Variants in COX7B2 observed in about 807,000 individuals in gnomAD.
COX7B2 encodes cytochrome c oxidase subunit 7B2, mitochondrial.
For synonymous variants in COX7B2, 37 were observed against 32.1 expected (o/e 1.15, Z -0.51); for missense variants, 109 against 95.9 (o/e 1.14, Z -0.57).
chr4:46,831,370 C>G (rs563945970), intron 2 of COX7B2, among the ~76,000 whole-genome samples: 6 of 152,224 alleles, frequency 3.9e-5, no homozygotes, highest in African/African-American at 1.4e-4. Flanking sequence ...GCCTCCTCAA[C>G]GAGTGCCACC....
At chr4:46,832,906 T>G (rs1715250033) in intron 2 of COX7B2, among the ~76,000 whole-genome samples, 1 of 149,818 alleles carries the variant, frequency 6.7e-6, no homozygotes, top group African/African-American at 2.5e-5. Context: ...CTGTGAGCCT[T>G]TTTTTTTTTC....
chr4:46,809,403 G>A lies in COX7B2; in HGVS notation c.-50+35557C>T, dbSNP rs552656308. 2.4e-4 allele frequency among the ~76,000 whole-genome samples: 37 copies of A among 151,572 alleles called. 1 individual carries two copies. The East Asian group carries it at 2.9e-3, about 12-fold the overall frequency. ...GATATTTCTTCTTTTTAATGTAGGCGTTTATTTCTATAAACTTTCCTCTAA... is the reference window on the plus strand; with the variant it reads ...GATATTTCTTCTTTTTAATGTAGGCATTTATTTCTATAAACTTTCCTCTAA... On this transcript the variant is annotated intron_variant, in intron 2 of 2. Coordinates refer to ENST00000355591, the MANE Select transcript of COX7B2 (RefSeq NM_130902.3).
At chr4:46,769,251 C>T (rs1183532373) in intron 2 of COX7B2, among the ~76,000 whole-genome samples, 2 of 152,060 alleles carry the variant, frequency 1.3e-5, no homozygotes, top group African/African-American at 4.8e-5. Flanking sequence ...ATACCAAAGC[C>T]AGACAAGGAC....
intron 2 of COX7B2, among the ~76,000 whole-genome samples, chr4:46,793,393 T>C (rs923681762): frequency 6.6e-6 from 1 of 152,184 alleles, no homozygotes; most frequent in Non-Finnish European, 1.5e-5. Flanking sequence ...CATGCTGACC[T>C]TAGCCATTAG....
intron 2 of COX7B2, 65 bp from the exon 3 acceptor site, chr4:46,735,306 T>C: frequency 1.7e-6 from 2 of 1,170,582 alleles, no homozygotes; most frequent in Non-Finnish European, 2.5e-6. Flanking sequence ...GCTTTGAATG[T>C]CTGGCTACAT....
chr4:46,889,346 C>A (rs1719280764), intron 1 of COX7B2, among the ~76,000 whole-genome samples: 1 of 152,200 alleles, frequency 6.6e-6, no homozygotes, highest in South Asian at 2.1e-4. Flanking sequence ...GGAACTGTCA[C>A]AAAGTAGTCT....
intron 1 of COX7B2, among the ~76,000 whole-genome samples, chr4:46,867,183 C>A (rs1717716177): frequency 6.6e-6 from 1 of 152,188 alleles, no homozygotes; most frequent in South Asian, 2.1e-4. Context: ...CTCCTTACAT[C>A]AGATAACCAG....
chr4:46,884,596 GC>G (rs1478320577), intron 1 of COX7B2, among the ~76,000 whole-genome samples: 1 of 152,070 alleles, frequency 6.6e-6, no homozygotes, highest in African/African-American at 2.4e-5. Flanking sequence ...AATGTTTTAT[GC>G]TATCAAGTAC....
chr4:46,831,984 G>T (rs1359846042), intron 2 of COX7B2, among the ~76,000 whole-genome samples: 1 of 152,140 alleles, frequency 6.6e-6, no homozygotes, highest in African/African-American at 2.4e-5. Context: ...CTCAGGAATG[G>T]TAAATGCACC....
rs139233339 is a variant in COX7B2, at chr4:46,778,830, G to A, written c.-49-43589C>T. On this transcript the variant is annotated intron_variant, in intron 2 of 2. Transcript: ENST00000355591. ...AAATTTTCACTGTAGTAATTCAATAGTTCATCTGCCTAGTTTATTAAATTG... is the reference window on the plus strand; with the variant it reads ...AAATTTTCACTGTAGTAATTCAATAATTCATCTGCCTAGTTTATTAAATTG... Among the ~76,000 whole-genome samples, 336 of 152,164 alleles carry A rather than the reference G, an allele frequency of 2.2e-3. 4 individuals carry two copies. The highest frequency in any genetic ancestry group is 8.5e-3 in the East Asian group (44 of 5,182).
At chr4:46,835,627 G>A (rs1233028192) in intron 2 of COX7B2, among the ~76,000 whole-genome samples, 2 of 152,132 alleles carry the variant, frequency 1.3e-5, no homozygotes, top group Non-Finnish European at 2.9e-5. Context: ...TATCAACCTA[G>A]ACATTCAATG....
At chr4:46,741,885 C>A (rs1193141675) in intron 2 of COX7B2, among the ~76,000 whole-genome samples, 1 of 152,070 alleles carries the variant, frequency 6.6e-6, no homozygotes, top group African/African-American at 2.4e-5. Flanking sequence ...AAAACAAATT[C>A]TCAGGAGAGT....
intron 2 of COX7B2, among the ~76,000 whole-genome samples, chr4:46,771,819 AG>A (rs1011835721): frequency 6.6e-6 from 1 of 152,176 alleles, no homozygotes; most frequent in African/African-American, 2.4e-5. Context: ...ATTTCAGATA[AG>A]GAATACTAAA....
At chr4:46,831,027 G>T (rs11735590) in intron 2 of COX7B2, among the ~76,000 whole-genome samples, 1 of 152,034 alleles carries the variant, frequency 6.6e-6, no homozygotes, top group African/African-American at 2.4e-5. Context: ...CTCAGCCTGT[G>T]GGGAGGTGTG....
chr4:46,833,487 T>A (rs1025735264), intron 2 of COX7B2, among the ~76,000 whole-genome samples: 2 of 152,192 alleles, frequency 1.3e-5, no homozygotes, highest in Admixed American at 1.3e-4. Flanking sequence ...GGAAAAAGTA[T>A]AGCCCAAATG....
chr4:46,853,460 T>A (rs1223961479), intron 1 of COX7B2, among the ~76,000 whole-genome samples: 1 of 152,188 alleles, frequency 6.6e-6, no homozygotes, highest in Non-Finnish European at 1.5e-5. Context: ...AAAATATGTG[T>A]GTATAAAATA....
intron 1 of COX7B2, among the ~76,000 whole-genome samples, chr4:46,877,843 A>AT (rs1298814690): frequency 6.6e-6 from 1 of 152,174 alleles, no homozygotes; most frequent in Non-Finnish European, 1.5e-5. Flanking sequence ...AACAAAAACC[A>AT]TAACAACCAC....
At chr4:46,842,795 CTA>C (rs1324367504) in intron 2 of COX7B2, among the ~76,000 whole-genome samples, 1 of 152,050 alleles carries the variant, frequency 6.6e-6, no homozygotes, top group Non-Finnish European at 1.5e-5. Flanking sequence ...TTAATCCAGT[CTA>C]TCATTGTTGG....
intron 2 of COX7B2, among the ~76,000 whole-genome samples, chr4:46,764,927 G>T (rs556735109): frequency 1.3e-4 from 19 of 151,974 alleles, no homozygotes; most frequent in African/African-American, 4.6e-4. Flanking sequence ...AAAACAGTCA[G>T]AAAAGAATTA....
Sources: gnomAD v4.1 joint callset for allele counts (sites outside exome capture counted in the v4.1 genomes callset) on GRCh38, gnomAD v4.1.1 for gene constraint, MANE v1.5 for transcripts, NCBI Gene and HGNC (gene_info 2026-07-23, HGNC 2026-07-21) for gene names.